Variants in PDE1C observed in about 807,000 individuals in gnomAD.
PDE1C encodes phosphodiesterase 1C.
PDE1C carries 62 observed loss-of-function variants against 93.1 expected under a neutral mutation model. That is an observed-to-expected ratio of 0.67 (90% confidence interval 0.54 to 0.82). The LOEUF is 0.82. PDE1C is among the 40% of genes least tolerant of loss of function. The pLI is 0.00. For missense variants in PDE1C, 742 were observed against 884.6 expected, an observed-to-expected ratio of 0.84 and a Z score of 2.04; for synonymous variants, 325 against 310.1, an observed-to-expected ratio of 1.05 and a Z score of -0.50.
intron 2 of PDE1C, among the ~76,000 whole-genome samples, chr7:32,046,161 G>A (rs554432255): frequency 6.6e-6 from 1 of 151,588 alleles, no homozygotes; most frequent in African/African-American, 2.4e-5. Flanking sequence ...CTGTATCCTG[G>A]GCTGTCTTCT....
intron 1 of PDE1C, among the ~76,000 whole-genome samples, chr7:32,330,387 C>T (rs1783490652): frequency 6.6e-6 from 1 of 152,330 alleles, no homozygotes; most frequent in South Asian, 2.1e-4. Context: ...GAGGACCTTT[C>T]CTGGGCTGGA....
rs184775348 is a variant in PDE1C, at chr7:32,198,441, A to T, written c.136+11048T>A. On this transcript the variant is annotated intron_variant, in intron 2 of 18. Coordinates refer to the PDE1C transcript ENST00000396193. Reference sequence around the variant, plus strand: ...AAATAAAAGCTTATATCTCTGTTACATAAAAATCAGAGATAGAAGTTTATA... The same window carrying T: ...AAATAAAAGCTTATATCTCTGTTACTTAAAAATCAGAGATAGAAGTTTATA... Among the ~76,000 whole-genome samples the T allele has an allele frequency of 2.0e-5, 3 of 152,328 alleles. No homozygotes were observed. In the East Asian group the frequency reaches 5.8e-4, roughly 29 times the overall value.
At chr7:32,088,809 C>T (rs1435511075) in intron 3 of PDE1C, among the ~76,000 whole-genome samples, 8 of 152,182 alleles carry the variant, frequency 5.3e-5, no homozygotes, top group African/African-American at 9.7e-5. Flanking sequence ...AAATAACCTA[C>T]GGGGATGACC....
intron 1 of PDE1C, among the ~76,000 whole-genome samples, chr7:32,319,150 T>A (rs1783234351): frequency 6.6e-6 from 1 of 152,216 alleles, no homozygotes; most frequent in Non-Finnish European, 1.5e-5. Flanking sequence ...GACGCCTGCC[T>A]CTTTCCGTAA....
intron 1 of PDE1C, among the ~76,000 whole-genome samples, chr7:32,323,242 G>C (rs1172434605): frequency 6.6e-6 from 1 of 152,102 alleles, no homozygotes; most frequent in Non-Finnish European, 1.5e-5. Flanking sequence ...CAAAATAAAA[G>C]CACCCCAAGT....
intron 2 of PDE1C, among the ~76,000 whole-genome samples, chr7:32,050,520 G>A (rs1469199941): frequency 6.6e-6 from 1 of 152,022 alleles, no homozygotes; most frequent in Non-Finnish European, 1.5e-5. Flanking sequence ...AATGAACAAC[G>A]TGAGGTGATG....
At chr7:31,757,575 T>C (rs1794546231) in intron 17 of PDE1C, among the ~76,000 whole-genome samples, 1 of 152,140 alleles carries the variant, frequency 6.6e-6, no homozygotes, top group Non-Finnish European at 1.5e-5. Context: ...ATCAGAGAAA[T>C]GCAAATCAAA....
At chr7:31,841,896 A>G (rs1791951069) in intron 9 of PDE1C, among the ~76,000 whole-genome samples, 1 of 152,146 alleles carries the variant, frequency 6.6e-6, no homozygotes, top group Non-Finnish European at 1.5e-5. Flanking sequence ...AAGACCCAGG[A>G]GGAGCCATTG....
chr7:32,058,623 G>T (rs562417622), intron 1 of PDE1C, among the ~76,000 whole-genome samples: 2 of 152,266 alleles, frequency 1.3e-5, no homozygotes, highest in South Asian at 4.2e-4. Flanking sequence ...GAAAGTCTTT[G>T]TACATTTCTT....
chr7:31,863,732 T>C (rs10265932), intron 7 of PDE1C, among the ~76,000 whole-genome samples: 2 of 151,980 alleles, frequency 1.3e-5, no homozygotes, highest in Non-Finnish European at 2.9e-5. Context: ...GAGTACTTAA[T>C]ATTTTTGATA....
At chr7:31,633,291 T>C in the PDE1C span, among the ~76,000 whole-genome samples, 1 of 152,186 alleles carries the variant, frequency 6.6e-6, no homozygotes, top group African/African-American at 2.4e-5. Flanking sequence ...AGCAGAGCTA[T>C]GACCGACAAA....
chr7:31,823,114 A>G lies in PDE1C; in HGVS notation c.1541T>C (p.Val514Ala). Residue 514 changes from valine (V) to alanine (A), a missense_variant, in exon 14 of 18, where the codon GTG (valine) becomes GCG (alanine). Transcript: ENST00000396191. ...KSFKATWTEV[V>A]HINRERWRAK... Reference sequence around the variant, plus strand: ...CCTCCATCTCTCCCGATTGATGTGCACCACTTCCGTCCAAGTAGCTTTAAA... The same window carrying G: ...CCTCCATCTCTCCCGATTGATGTGCGCCACTTCCGTCCAAGTAGCTTTAAA... 1 of 1,613,178 alleles carries G rather than the reference A, an allele frequency of 6.2e-7. No individual in the cohort carries two copies. Among genetic ancestry groups the G allele is most frequent in the South Asian group, 1.1e-5 (1 of 90,988 alleles).
the PDE1C span, among the ~76,000 whole-genome samples, chr7:31,710,471 T>TG: frequency 6.6e-6 from 1 of 152,190 alleles, no homozygotes; most frequent in Non-Finnish European, 1.5e-5. Flanking sequence ...GTGGAAGGAT[T>TG]GGGGAAGAAC....
At chr7:31,888,168 T>G (rs2128893908) in intron 2 of PDE1C, among the ~76,000 whole-genome samples, 1 of 137,832 alleles carries the variant, frequency 7.3e-6, no homozygotes, top group East Asian at 2.1e-4. Flanking sequence ...GAGAATGGTG[T>G]GAACCTGGGA....
intron 2 of PDE1C, among the ~76,000 whole-genome samples, chr7:32,198,041 T>C (rs920216283): frequency 2.0e-5 from 3 of 152,234 alleles, no homozygotes; most frequent in Non-Finnish European, 4.4e-5. Context: ...TTTTTAATTG[T>C]GAATTACATA....
At chr7:32,085,028 C>A in intron 3 of PDE1C, among the ~76,000 whole-genome samples, 1 of 127,304 alleles carries the variant, frequency 7.9e-6, no homozygotes, top group Non-Finnish European at 1.7e-5. Context: ...GAAATAGAGA[C>A]ACAAAAAACC....
the PDE1C span, chr7:31,651,221 T>C: frequency 6.2e-7 from 1 of 1,613,580 alleles, no homozygotes; most frequent in Non-Finnish European, 8.5e-7. Context: ...GAACAGCACC[T>C]TATGGGACAG....
the PDE1C span, among the ~76,000 whole-genome samples, chr7:31,626,352 C>T: frequency 6.6e-6 from 1 of 152,310 alleles, no homozygotes; most frequent in African/African-American, 2.4e-5. Flanking sequence ...TGACCATAAT[C>T]ATGCTTTAAC....
chr7:31,886,499 A>G (rs768342313), intron 2 of PDE1C, among the ~76,000 whole-genome samples: 1 of 152,224 alleles, frequency 6.6e-6, no homozygotes, highest in Non-Finnish European at 1.5e-5. Context: ...CTCTAGGAAT[A>G]CAAAGTGGGG....
Sources: allele counts gnomAD v4.1 joint callset (sites outside exome capture counted in the v4.1 genomes callset), GRCh38; gene constraint gnomAD v4.1.1; transcripts MANE v1.5; gene names NCBI Gene and HGNC (gene_info 2026-07-23, HGNC 2026-07-21).